NLGN1: variants seen among roughly 807,000 people sequenced by gnomAD.
NLGN1 encodes neuroligin-1.
NLGN1 carries 12 observed loss-of-function variants against 65.5 expected under a neutral mutation model. The ratio of observed to expected loss-of-function variants is 0.18; its 90% CI spans 0.12 to 0.30. The LOEUF is 0.30. NLGN1 is among the 10% of genes least tolerant of loss of function. NLGN1 has a pLI of 1.00. For missense variants in NLGN1, 750 were observed against 1,007.1 expected (o/e 0.74, Z 3.46); for synonymous variants, 350 against 359.5 (o/e 0.97, Z 0.30).
intron 4 of NLGN1, among the ~76,000 whole-genome samples, chr3:174,106,521 A>G (rs974327343): frequency 1.3e-5 from 2 of 152,042 alleles, no homozygotes; most frequent in Non-Finnish European, 2.9e-5. Flanking sequence ...GAATTTATAT[A>G]TACTATATTT....
chr3:173,929,836 C>T (rs948489537), intron 4 of NLGN1, among the ~76,000 whole-genome samples: 3 of 151,962 alleles, frequency 2.0e-5, no homozygotes, highest in Non-Finnish European at 4.4e-5. Context: ...TCCCGAGTAG[C>T]TGGGATTATG....
chr3:173,599,871 A>G (rs1750141428), intron 2 of NLGN1, among the ~76,000 whole-genome samples: 1 of 152,130 alleles, frequency 6.6e-6, no homozygotes, highest in Non-Finnish European at 1.5e-5. Flanking sequence ...TTGTCACCCT[A>G]TGAGCATCTT....
chr3:173,528,643 A>T (rs900266301), intron 2 of NLGN1, among the ~76,000 whole-genome samples: 2 of 152,282 alleles, frequency 1.3e-5, no homozygotes, highest in Non-Finnish European at 2.9e-5. Flanking sequence ...TTTTTAAAAC[A>T]TATTTTCTCT....
At chr3:173,679,345 G>A (rs1763612644) in intron 3 of NLGN1, among the ~76,000 whole-genome samples, 1 of 151,996 alleles carries the variant, frequency 6.6e-6, no homozygotes, top group Admixed American at 6.6e-5. Flanking sequence ...AAAAGATAAA[G>A]GAATGAAGGA....
At chr3:173,667,910 C>T (rs1016390249) in intron 3 of NLGN1, among the ~76,000 whole-genome samples, 6 of 152,126 alleles carry the variant, frequency 3.9e-5, no homozygotes, top group Non-Finnish European at 2.9e-5. Context: ...GGATTACAAG[C>T]GTGAGCCACC....
At chr3:173,748,938 T>G (rs1206978235) in intron 3 of NLGN1, among the ~76,000 whole-genome samples, 1 of 152,068 alleles carries the variant, frequency 6.6e-6, no homozygotes, top group African/African-American at 2.4e-5. Context: ...AGGTTGTTAG[T>G]GGTCTTATGA....
chr3:174,179,957 G>A (rs1029133195), intron 4 of NLGN1, among the ~76,000 whole-genome samples: 2 of 152,040 alleles, frequency 1.3e-5, no homozygotes, highest in Non-Finnish European at 2.9e-5. Flanking sequence ...CCCGGATTTC[G>A]AGGGACATTC....
intron 3 of NLGN1, among the ~76,000 whole-genome samples, chr3:173,736,463 C>CA (rs951936806): frequency 3.3e-5 from 5 of 151,456 alleles, no homozygotes; most frequent in South Asian, 4.2e-4. Context: ...GAACCAATAT[C>CA]AAAAAAAATG....
intron 4 of NLGN1, among the ~76,000 whole-genome samples, chr3:174,108,671 A>C (rs2152609051): frequency 6.6e-6 from 1 of 152,186 alleles, no homozygotes; most frequent in African/African-American, 2.4e-5. Flanking sequence ...AAGAGGAAAC[A>C]TCAGGAGTAA....
chr3:173,492,010 C>T (rs1729254687), intron 2 of NLGN1, among the ~76,000 whole-genome samples: 3 of 151,750 alleles, frequency 2.0e-5, no homozygotes, highest in Admixed American at 2.0e-4. Flanking sequence ...TTCCTCCTCA[C>T]TGACAAGGAA....
intron 4 of NLGN1, among the ~76,000 whole-genome samples, chr3:173,825,214 A>C (rs978171105): frequency 4.5e-4 from 69 of 152,108 alleles, no homozygotes; most frequent in Non-Finnish European, 8.8e-5. Flanking sequence ...CTCTGCTGAA[A>C]GGGATTGAGA....
chr3:173,779,961 T>C (rs763230871), intron 3 of NLGN1, among the ~76,000 whole-genome samples: 16 of 152,204 alleles, frequency 1.1e-4, no homozygotes, highest in Non-Finnish European at 2.4e-4. Context: ...TTTCCAATTT[T>C]GTCAGTTGTC....
At chr3:173,673,239 A>G (rs1390383638) in intron 3 of NLGN1, among the ~76,000 whole-genome samples, 1 of 152,256 alleles carries the variant, frequency 6.6e-6, no homozygotes, top group African/African-American at 2.4e-5. Flanking sequence ...TCATGTGAGC[A>G]TAATTTATGT....
intron 4 of NLGN1, among the ~76,000 whole-genome samples, chr3:174,269,725 A>G (rs966568776): frequency 1.3e-5 from 2 of 151,922 alleles, no homozygotes; most frequent in Middle Eastern, 3.2e-3. Context: ...ATGCTGAATC[A>G]TATACTAATC....
exon 7 of NLGN1, chr3:174,285,394 A>G (rs1046131950): frequency 6.6e-6 from 1 of 151,502 alleles, no homozygotes; most frequent in Admixed American, 6.6e-5. Context: ...TTCCAAATAA[A>G]TTCAATTAAT....
At chr3:173,600,601 T>A (rs904967090) in intron 2 of NLGN1, among the ~76,000 whole-genome samples, 5 of 146,998 alleles carry the variant, frequency 3.4e-5, no homozygotes, top group Non-Finnish European at 7.5e-5. Flanking sequence ...TCTTTTTTTT[T>A]AGAAAAAGAT....
chr3:174,276,154 C>T (rs904043493), intron 5 of NLGN1, among the ~76,000 whole-genome samples: 11 of 151,786 alleles, frequency 7.2e-5, no homozygotes, highest in Admixed American at 2.0e-4. Context: ...TTATTTTTCC[C>T]CCTAAACTTG....
chr3:173,769,540 A>G (rs1359717765), intron 3 of NLGN1, among the ~76,000 whole-genome samples: 2 of 152,192 alleles, frequency 1.3e-5, no homozygotes, highest in Non-Finnish European at 2.9e-5. Context: ...TGGGGTAATA[A>G]TACATGCTAT....
chr3:173,839,401 G>C (rs1211658725), intron 4 of NLGN1, among the ~76,000 whole-genome samples: 1 of 150,362 alleles, frequency 6.7e-6, no homozygotes, highest in Admixed American at 6.6e-5. Flanking sequence ...GAAGTTTTTT[G>C]TTTGTTTTTT....
Sources: gnomAD v4.1 joint callset for allele counts (sites outside exome capture counted in the v4.1 genomes callset) on GRCh38, gnomAD v4.1.1 for gene constraint, MANE v1.5 for transcripts, NCBI Gene and HGNC (gene_info 2026-07-23, HGNC 2026-07-21) for gene names.